TTC28: variants seen among roughly 807,000 people sequenced by gnomAD.
The protein encoded by TTC28 is tetratricopeptide repeat domain 28, also known as tetratricopeptide repeat protein 28.
In TTC28, 61 loss-of-function variants were observed where a neutral mutation model predicts 198.0. The ratio of observed to expected loss-of-function variants is 0.31; its 90% CI spans 0.25 to 0.38. TTC28 has a LOEUF of 0.38. Among genes scored for constraint, TTC28 ranks in the 10% least tolerant of loss-of-function variants. The pLI is 1.00. For missense variants in TTC28, 2,678 were observed against 3,164.0 expected, an observed-to-expected ratio of 0.85 and a Z score of 3.69; for synonymous variants, 1,171 against 1,297.8, an observed-to-expected ratio of 0.90 and a Z score of 2.10.
chr22:28,540,369 T>C (rs928532362), intron 2 of TTC28, among the ~76,000 whole-genome samples: 1 of 152,116 alleles, frequency 6.6e-6, no homozygotes, highest in African/African-American at 2.4e-5. Flanking sequence ...AATGACCTGG[T>C]CTCACAAGAA....
At position 28,114,433 on chromosome 22, in the gene TTC28, T is replaced by C. The variant is rs528654265; in HGVS notation, c.1442-6030A>G. Among the ~76,000 whole-genome samples the C allele has an allele frequency of 2.4e-4, 36 of 152,296 alleles. 1 individual carries two copies. The South Asian group carries it at 7.5e-3, about 32-fold the overall frequency. On this transcript the variant is annotated intron_variant, in intron 6 of 22. Coordinates refer to ENST00000397906, the MANE Select transcript of TTC28 (RefSeq NM_001145418.2). The stretch of plus-strand genomic sequence containing the variant: ...CTGGTTAGTAAACAGATGGCTAGAA[T>C]CAAAGGCATGAGAGCAAAGTGCTCT...
intron 2 of TTC28, among the ~76,000 whole-genome samples, chr22:28,531,997 G>A (rs1479499857): frequency 6.6e-6 from 1 of 152,166 alleles, no homozygotes; most frequent in East Asian, 1.9e-4. Flanking sequence ...ACAATTAAAA[G>A]AACTTGAGAA....
chr22:28,107,196 C>T lies in TTC28; in HGVS notation c.2649G>A (p.Leu883=). The part of the protein sequence containing the change: ...VLDRGRAYGN[L]GDCYEALGDY... ...CACCCAGGGCTTCGTAGCAATCCCC[C>T]AGGTTGCCATAGGCCCGGCCCCTGT... The change falls in exon 7 of 23, where the codon CTG becomes CTA. Residue 883 remains leucine (L), a synonymous_variant. Transcript: ENST00000397906. 6.4e-7 allele frequency: 1 copy of T among 1,551,724 alleles called. No homozygotes were observed. Among genetic ancestry groups the T allele is most frequent in the Non-Finnish European group, 8.7e-7 (1 of 1,147,002 alleles).
intron 6 of TTC28, among the ~76,000 whole-genome samples, chr22:28,159,219 A>C (rs1434628788): frequency 6.6e-6 from 1 of 152,236 alleles, no homozygotes; most frequent in Non-Finnish European, 1.5e-5. Flanking sequence ...CTCCAGCTAA[A>C]GTGGCTTATA....
chr22:28,635,316 G>A (rs540843675), intron 1 of TTC28, among the ~76,000 whole-genome samples: 37 of 152,042 alleles, frequency 2.4e-4, no homozygotes, highest in Admixed American at 4.6e-4. Context: ...GCAAGACTCC[G>A]TCTCAAAAAA....
chr22:28,462,911 A>G (rs902557785), intron 2 of TTC28, among the ~76,000 whole-genome samples: 12 of 152,230 alleles, frequency 7.9e-5, no homozygotes, highest in Admixed American at 2.6e-4. Context: ...GAGAAATACT[A>G]GATTAGGCAA....
Position 28,311,893 on chromosome 22 carries a change from A to G in TTC28, c.382-5250T>C, listed in dbSNP as rs111569372. On this transcript the variant is annotated intron_variant, in intron 2 of 22. Transcript: ENST00000397906. ...AAGTACAATTGCTAAATGCCCCCCA[A>G]TTAAAAGATACAGACTGGCAAATTG... is the stretch of plus-strand genomic sequence containing the variant. 1.0e-3 allele frequency among the ~76,000 whole-genome samples: 156 copies of G among 152,246 alleles called. 1 individual carries two copies. The highest frequency in any genetic ancestry group is 3.5e-3 in the African/African-American group (145 of 41,560).
chr22:28,212,276 C>G (rs1443478029), intron 5 of TTC28, among the ~76,000 whole-genome samples: 1 of 151,846 alleles, frequency 6.6e-6, no homozygotes. Context: ...TAACTAAGAT[C>G]AGAGCAGAAC....
chr22:28,071,993 G>A lies in TTC28; in HGVS notation c.3932+22087C>T, dbSNP rs115106962. Among the ~76,000 whole-genome samples, 142 of 152,206 alleles carry A rather than the reference G, an allele frequency of 9.3e-4. 1 individual carries two copies. Among genetic ancestry groups the A allele is most frequent in the African/African-American group, 3.2e-3 (135 of 41,542 alleles). ...GAAGAGTTTCATAAGCTGGCTTTGGGGTCAAGTTTTGAGATGTGGATGTTA... is the reference window on the plus strand; with the variant it reads ...GAAGAGTTTCATAAGCTGGCTTTGGAGTCAAGTTTTGAGATGTGGATGTTA... On this transcript the variant is annotated intron_variant, in intron 12 of 22. Coordinates refer to ENST00000397906, the MANE Select transcript of TTC28 (RefSeq NM_001145418.2).
At chr22:28,627,816 G>A (rs1386355778) in intron 2 of TTC28, among the ~76,000 whole-genome samples, 1 of 152,020 alleles carries the variant, frequency 6.6e-6, no homozygotes, top group Non-Finnish European at 1.5e-5. Context: ...TTACACAATA[G>A]TAAACCATTC....
intron 6 of TTC28, among the ~76,000 whole-genome samples, chr22:28,140,034 A>T (rs1943292850): frequency 1.3e-5 from 2 of 152,134 alleles, no homozygotes; most frequent in Admixed American, 6.5e-5. Context: ...ACACTTGCTT[A>T]TGGGCTCAGG....
chr22:28,251,654 T>C (rs1170704348), intron 5 of TTC28, among the ~76,000 whole-genome samples: 1 of 152,198 alleles, frequency 6.6e-6, no homozygotes, highest in Non-Finnish European at 1.5e-5. Context: ...CTTAAGCGAT[T>C]TATTTAACCT....
In TTC28 at chr22:27,981,444, CAAT is replaced by C. The variant is rs1269099216; in HGVS notation, c.*774_*776del. 6.6e-6 allele frequency: 1 copy of C among 151,416 alleles called. No homozygotes were observed. The highest frequency in any genetic ancestry group is 1.5e-5 in the Non-Finnish European group (1 of 67,874). The allele number at this position is 151,416 out of a possible 1,614,324, so 9.4% of individuals were successfully genotyped here. A position where few individuals can be genotyped will look rare whatever the true frequency, so the allele number is the denominator to read the frequency against. ...TTGTTTATCCATATACAAAAAAGGT[CAAT>C]AATGTTTTAAAAGCACAAAGTTGCA... On this transcript the variant is annotated 3_prime_UTR_variant, in exon 23 of 23. Transcript: ENST00000397906.
At position 28,020,645 on chromosome 22, in the gene TTC28, CTG is replaced by C. The variant is rs1317354307; in HGVS notation, c.4074-6255_4074-6254del. On this transcript the variant is annotated intron_variant, in intron 13 of 22. Transcript: ENST00000397906. ...CACTGCTCACACTCCTTTGGGCAGT[CTG>C]TGCTGCAGCAGTGCCTGCGAGCGAG... 3.9e-5 allele frequency among the ~76,000 whole-genome samples: 6 copies of C among 152,324 alleles called. No homozygotes were observed. In the East Asian group the frequency reaches 1.2e-3, roughly 29 times the overall value.
chr22:28,564,409 T>A (rs1349125296), intron 2 of TTC28, among the ~76,000 whole-genome samples: 1 of 152,196 alleles, frequency 6.6e-6, no homozygotes, highest in African/African-American at 2.4e-5. Flanking sequence ...AGAAAATACT[T>A]TTTAATTTTA....
intron 12 of TTC28, among the ~76,000 whole-genome samples, chr22:28,070,165 T>G (rs1940913574): frequency 6.6e-6 from 1 of 152,222 alleles, no homozygotes; most frequent in Admixed American, 6.5e-5. Flanking sequence ...AACTACTTCA[T>G]GTAATCATTC....
chr22:28,530,885 G>A lies in TTC28; in HGVS notation c.381+98667C>T, dbSNP rs1200410894. On this transcript the variant is annotated intron_variant, in intron 2 of 22. Coordinates refer to ENST00000397906, the MANE Select transcript of TTC28 (RefSeq NM_001145418.2). ...GAGAGATTTTGTCACCACCAGGCCT[G>A]CCTTACAAAGCTCCTGGAGGAAGCA... Among the ~76,000 whole-genome samples, 5 of 152,262 alleles carry A rather than the reference G, an allele frequency of 3.3e-5. No homozygotes were observed. In the East Asian group the frequency reaches 9.6e-4, roughly 29 times the overall value.
intron 2 of TTC28, among the ~76,000 whole-genome samples, chr22:28,544,518 G>T (rs1230522145): frequency 6.6e-6 from 1 of 152,146 alleles, no homozygotes; most frequent in Non-Finnish European, 1.5e-5. Flanking sequence ...TTGACCCAGA[G>T]CAACTCCATC....
At chr22:28,567,572 C>T (rs1195567870) in intron 2 of TTC28, among the ~76,000 whole-genome samples, 1 of 137,908 alleles carries the variant, frequency 7.3e-6, no homozygotes, top group Non-Finnish European at 1.5e-5. Flanking sequence ...GCAACCAAGG[C>T]AGAAACCAAG....
Sources: allele counts gnomAD v4.1 joint callset (sites outside exome capture counted in the v4.1 genomes callset), GRCh38; gene constraint gnomAD v4.1.1; transcripts MANE v1.5; gene names NCBI Gene and HGNC (gene_info 2026-07-23, HGNC 2026-07-21).